Variants in ZFP90 observed in about 807,000 individuals in gnomAD.
ZFP90 encodes the protein ZFP90 zinc finger protein.
ZFP90 carries 38 observed loss-of-function variants against 60.8 expected under a neutral mutation model. The observed-to-expected ratio is 0.62, with a 90% CI of 0.48 to 0.82. The LOEUF is 0.82. Ranked by LOEUF, ZFP90 falls within the 40% of genes least tolerant of loss-of-function variation. The pLI, the probability that ZFP90 is intolerant of heterozygous loss-of-function variation, is 0.00. For missense variants in ZFP90, 711 were observed against 759.1 expected, an observed-to-expected ratio of 0.94 and a Z score of 0.74; for synonymous variants, 287 against 264.8, an observed-to-expected ratio of 1.08 and a Z score of -0.82.
rs2091500172 is a variant in ZFP90, at chr16:68,564,840, G to A, written c.*142G>A. On this transcript the variant is annotated 3_prime_UTR_variant, in exon 5 of 5. Coordinates refer to ENST00000563169, the MANE Select transcript of ZFP90 (RefSeq NM_001305203.2). ...GTGTGGAGAAAACTGCCAGTAGACA[G>A]ATTTTTTTTTTTTAACATAAAGACA... 1 of 814,100 alleles carries A rather than the reference G, an allele frequency of 1.2e-6. No homozygotes were observed. Among genetic ancestry groups the A allele is most frequent in the Non-Finnish European group, 1.6e-6 (1 of 616,714 alleles). 50.4% of individuals were successfully genotyped at this position (814,100 alleles called of 1,614,324 possible). A position where few individuals can be genotyped will look rare whatever the true frequency, so the allele number is the denominator to read the frequency against.
intron 3 of ZFP90, 108 bp downstream of exon 3, chr16:68,558,232 G>GGTC: frequency 6.6e-7 from 1 of 1,508,166 alleles, no homozygotes; most frequent in Admixed American, 1.8e-5. Context: ...GGTGCTCAGG[G>GGTC]GTCAGAGCTT....
At chr16:68,562,317 T>C (rs2091451378) in intron 4 of ZFP90, 1 of 152,318 alleles carries the variant, frequency 6.6e-6, no homozygotes, top group South Asian at 2.1e-4. Flanking sequence ...AAGGTTATCG[T>C]TCTTAAACCC....
At chr16:68,574,515 G>A (rs561178910) in intron 2 of ZFP90, among the ~76,000 whole-genome samples, 1 of 151,334 alleles carries the variant, frequency 6.6e-6, no homozygotes, top group African/African-American at 2.4e-5. Flanking sequence ...ATTCCCAAAA[G>A]CACCAAAGAG....
At position 68,564,223 on chromosome 16, in the gene ZFP90, A is replaced by C; in HGVS notation, c.1436A>C (p.Asp479Ala). The change falls in exon 5 of 5, where the codon GAT (aspartate) becomes GCT (alanine). Residue 479 changes from aspartate to alanine, a missense_variant. Coordinates refer to ENST00000563169, the MANE Select transcript of ZFP90 (RefSeq NM_001305203.2). ...ATCCATACTGCAGAGAACCCCTATGATTGTGAGCAGGCTTTTAGTCAGCAA... is the reference window on the plus strand; with the variant it reads ...ATCCATACTGCAGAGAACCCCTATGCTTGTGAGCAGGCTTTTAGTCAGCAA... Reference protein sequence around the residue: ...QRIHTAENPYDCEQAFSQQAI... With the variant: ...QRIHTAENPYACEQAFSQQAI... The C allele has an allele frequency of 6.2e-7, 1 of 1,613,936 alleles. No homozygotes were observed. The highest frequency in any genetic ancestry group is 1.1e-5 in the South Asian group (1 of 91,072).
intron 2 of ZFP90, among the ~76,000 whole-genome samples, chr16:68,544,884 T>G (rs1220907071): frequency 5.4e-5 from 7 of 130,684 alleles, no homozygotes; most frequent in Non-Finnish European, 9.8e-5. Context: ...TTTTTTTTTT[T>G]TTTTTTTTTT....
At position 68,558,463 on chromosome 16, in the gene ZFP90, C is replaced by A; in HGVS notation, c.161-10C>A. The stretch of plus-strand genomic sequence containing the variant: ...AAACAACCAAATCTTGTGTATTTAC[C>A]CATGAGCAGGATATCAAGTTTCCAA... On this transcript the variant is annotated splice_polypyrimidine_tract_variant and intron_variant, in intron 3 of 4. Transcript: ENST00000563169. The A allele has an allele frequency of 2.5e-6, 4 of 1,612,590 alleles. No homozygotes were observed. The highest frequency in any genetic ancestry group is 3.4e-6 in the Non-Finnish European group (4 of 1,178,870).
chr16:68,563,376 G>T lies in ZFP90; in HGVS notation c.589G>T (p.Asp197Tyr), dbSNP rs762701502. The change falls in exon 5 of 5, where the codon GAC (aspartate) becomes TAC (tyrosine). Residue 197 changes from aspartate to tyrosine, a missense_variant. Asp to Tyr is a radical substitution (Grantham distance 160). Around this residue, in one of 5 missense-constraint regions of ZFP90, gnomAD observed 241 missense variants for 247.6 expected, o/e 0.97. Coordinates refer to ENST00000563169, the MANE Select transcript of ZFP90 (RefSeq NM_001305203.2). ...TGGAAGCAATTTGGGACATAATGCAGACTTACTTAATGAGAATAATATTCT... is the reference window on the plus strand; with the variant it reads ...TGGAAGCAATTTGGGACATAATGCATACTTACTTAATGAGAATAATATTCT... The part of the protein sequence containing the change: ...TLGSNLGHNA[D>Y]LLNENNILAK... 8 of 1,614,024 alleles carry T rather than the reference G, an allele frequency of 5.0e-6. No homozygotes were observed. The East Asian group carries it at 1.3e-4, about 27-fold the overall frequency.
chr16:68,556,513 CAG>C (rs1333360999), intron 2 of ZFP90, among the ~76,000 whole-genome samples: 1 of 152,180 alleles, frequency 6.6e-6, no homozygotes, highest in African/African-American at 2.4e-5. Context: ...TACCTGCTGA[CAG>C]GGACTGGTTC....
rs578247078 is a variant in ZFP90 at position 68,566,058 on chromosome 16, C to T, written c.*1360C>T. ...CTGAGGTGGGAGGATCACTGGAACC[C>T]GGGAGCAGAGACTGCAGTGAGCTGA... On this transcript the variant is annotated 3_prime_UTR_variant, in exon 5 of 5. Transcript: ENST00000563169. 1.5e-4 allele frequency: 139 copies of T among 941,386 alleles called. No individual in the cohort carries two copies. Among genetic ancestry groups the T allele is most frequent in the Middle Eastern group, 5.5e-4 (1 of 1,826 alleles). 58.3% of individuals were successfully genotyped at this position (941,386 alleles called of 1,614,324 possible).
chr16:68,539,821 C>G lies in ZFP90; in HGVS notation c.29C>G (p.Pro10Arg). 1.9e-6 allele frequency: 3 copies of G among 1,606,290 alleles called. No homozygotes were observed. The highest frequency in any genetic ancestry group is 2.5e-6 in the Non-Finnish European group (3 of 1,177,934). Reference protein sequence around the residue: MAPRPPTAAPQESVTFKDVS... With the variant: MAPRPPTAARQESVTFKDVS... ...GCCCCGAGGCCTCCGACCGCCGCGC[C>G]CCAGGTGAGCAACGCGTTCCTAACC... Residue 10 changes from proline (P) to arginine (R), a missense_variant, in exon 2 of 5, where the codon CCC becomes CGC. Pro to Arg is a moderately radical substitution (Grantham distance 103). Transcript: ENST00000563169.
At chr16:68,570,574 A>G (rs2091562318), downstream of ZFP90, among the ~76,000 whole-genome samples, 1 of 152,220 alleles carries the variant, frequency 6.6e-6, no homozygotes, top group African/African-American at 2.4e-5. Context: ...TTGCCATGGT[A>G]TTTGTAAATG....
Position 68,564,901 on chromosome 16 carries a change from A to T in ZFP90, c.*203A>T. 7.5e-7 allele frequency: 1 copy of T among 1,338,660 alleles called. No homozygotes were observed. Among genetic ancestry groups the T allele is most frequent in the East Asian group, 2.8e-5 (1 of 35,616 alleles). 82.9% of individuals were successfully genotyped at this position (1,338,660 alleles called of 1,614,324 possible). ...TCTGATTACAGACTAGTGTAAAAAC[A>T]GCTACATGTATGTAGCTGGTTGGGG... On this transcript the variant is annotated 3_prime_UTR_variant, in exon 5 of 5. Transcript: ENST00000563169.
chr16:68,564,281 A>G lies in ZFP90; in HGVS notation c.1494A>G (p.Gln498=). ...AISHPGEKPY[Q]CNVCGKAFKR... ...CTCATCCTGGAGAGAAACCCTATCA[A>G]TGTAATGTATGTGGGAAAGCTTTCA... The change falls in exon 5 of 5, where the codon CAA becomes CAG. Residue 498 remains glutamine (Q), a synonymous_variant. Coordinates refer to ENST00000563169, the MANE Select transcript of ZFP90 (RefSeq NM_001305203.2). 4 of 1,614,102 alleles carry G rather than the reference A, an allele frequency of 2.5e-6. No homozygotes were observed. Among genetic ancestry groups the G allele is most frequent in the South Asian group, 1.1e-5 (1 of 91,082 alleles).
At chr16:68,535,986 G>A (rs539359148), upstream of ZFP90, among the ~76,000 whole-genome samples, 6 of 152,282 alleles carry the variant, frequency 3.9e-5, no homozygotes, top group African/African-American at 1.2e-4. Flanking sequence ...AAATGGGTGT[G>A]AGCTGAAGTT....
chr16:68,537,111 GTTGTT>G (rs2090966262), upstream of ZFP90, among the ~76,000 whole-genome samples: 1 of 129,420 alleles, frequency 7.7e-6, no homozygotes, highest in Non-Finnish European at 1.6e-5. Context: ...TGCACCTGCA[GTTGTT>G]TTGTTGTTGT....
chr16:68,539,900 G>A (rs1401558685), intron 2 of ZFP90, 75 bp downstream of exon 2: 5 of 1,540,472 alleles, frequency 3.2e-6, no homozygotes, highest in Non-Finnish European at 4.4e-6. Context: ...GTTTGGAGCA[G>A]TCATTGTTCT....
At chr16:68,545,187 C>T (rs1254464492) in intron 2 of ZFP90, among the ~76,000 whole-genome samples, 1 of 151,826 alleles carries the variant, frequency 6.6e-6, no homozygotes, top group African/African-American at 2.4e-5. Context: ...CCCATGCACT[C>T]CTATTATAAT....
chr16:68,572,510 C>T (rs557966739), intron 2 of ZFP90, among the ~76,000 whole-genome samples: 2 of 152,278 alleles, frequency 1.3e-5, no homozygotes, highest in African/African-American at 4.8e-5. Flanking sequence ...CACATGGTCC[C>T]ATAGGACTCA....
chr16:68,576,233 T>C (rs148609567), downstream of ZFP90, among the ~76,000 whole-genome samples: 6 of 152,244 alleles, frequency 3.9e-5, no homozygotes, highest in African/African-American at 1.4e-4. Context: ...TTATTTGACT[T>C]GTATGGTGGT....
Sources: allele counts gnomAD v4.1 joint callset (sites outside exome capture counted in the v4.1 genomes callset), GRCh38; gene constraint gnomAD v4.1.1; regional missense constraint gnomAD v4.1.1; transcripts MANE v1.5; gene names NCBI Gene and HGNC (gene_info 2026-07-23, HGNC 2026-07-21).